The following STK38L variants were observed in gnomAD, a reference collection of about 807,000 sequenced individuals.
STK38L encodes serine/threonine-protein kinase 38-like.
STK38L carries 28 observed loss-of-function variants against 59.7 expected under a neutral mutation model. The ratio of observed to expected loss-of-function variants is 0.47; its 90% CI spans 0.35 to 0.64. The LOEUF is 0.64. Among genes scored for constraint, STK38L ranks in the 30% least tolerant of loss-of-function variants. The probability of loss-of-function intolerance (pLI) is 0.01; values close to 1 mark genes in which losing one functional copy is unlikely to be tolerated. For missense variants in STK38L, 314 were observed against 555.8 expected (o/e 0.56, Z 4.37); for synonymous variants, 162 against 176.8 (o/e 0.92, Z 0.66).
At chr12:27,272,271 C>T (rs903472281) in intron 1 of STK38L, among the ~76,000 whole-genome samples, 2 of 152,118 alleles carry the variant, frequency 1.3e-5, no homozygotes, top group Non-Finnish European at 2.9e-5. Flanking sequence ...TTATCCATTC[C>T]GTTTTGAGTA....
chr12:27,271,993 C>T (rs1943434289), intron 1 of STK38L, among the ~76,000 whole-genome samples: 1 of 152,202 alleles, frequency 6.6e-6, no homozygotes, highest in Non-Finnish European at 1.5e-5. Flanking sequence ...AGCCACCGTA[C>T]TCATTAGCTT....
At chr12:27,285,983 G>A (rs761199823) in intron 1 of STK38L, among the ~76,000 whole-genome samples, 18 of 152,132 alleles carry the variant, frequency 1.2e-4, no homozygotes, top group Non-Finnish European at 1.3e-4. Flanking sequence ...TTGAGCCCTC[G>A]TAAATATGCC....
intron 9 of STK38L, among the ~76,000 whole-genome samples, chr12:27,316,023 C>G (rs1944577287): frequency 6.6e-6 from 1 of 152,120 alleles, no homozygotes; most frequent in Non-Finnish European, 1.5e-5. Context: ...TTTCTCATTT[C>G]TTATAAAATG....
intron 1 of STK38L, among the ~76,000 whole-genome samples, chr12:27,274,197 A>G (rs1309940890): frequency 3.3e-5 from 5 of 149,284 alleles, no homozygotes; most frequent in African/African-American, 9.9e-5. Flanking sequence ...AGAGCGCGCC[A>G]CTGCACTCCA....
chr12:27,315,915 A>C (rs2136650552), intron 9 of STK38L, among the ~76,000 whole-genome samples: 1 of 152,298 alleles, frequency 6.6e-6, no homozygotes, highest in Middle Eastern at 3.4e-3. Context: ...TAACTGAGCA[A>C]ATAGAAGAAT....
At chr12:27,259,737 T>C (rs1483538842) in intron 1 of STK38L, among the ~76,000 whole-genome samples, 1 of 152,236 alleles carries the variant, frequency 6.6e-6, no homozygotes, top group Non-Finnish European at 1.5e-5. Flanking sequence ...AAACTTTCTC[T>C]TCCAGACATA....
rs77507471 is a variant in STK38L at position 27,273,470 on chromosome 12, G to C, written c.-11-24240G>C. On this transcript the variant is annotated intron_variant, in intron 1 of 13. Coordinates refer to ENST00000389032, the MANE Select transcript of STK38L (RefSeq NM_015000.4). ...CCATTTTTTCTGTTGCAAAATGGCA[G>C]TAACATTATTTACCACTCGTTAGGG... Among the ~76,000 whole-genome samples, 199 of 152,094 alleles carry C rather than the reference G, an allele frequency of 1.3e-3. 5 individuals are homozygous for C. In the East Asian group the frequency reaches 0.03, roughly 23 times the overall value.
rs1395070977 is a variant in STK38L, at chr12:27,318,622, CTATT to C, written c.1079+606_1079+609del. 5.9e-5 allele frequency among the ~76,000 whole-genome samples: 9 copies of C among 152,208 alleles called. No homozygotes were observed. The South Asian group carries it at 6.2e-4, about 11-fold the overall frequency. ...GGTATTTAATAGTGAAAATTGAAAA[CTATT>C]TAAATGTTCAACAGTAGTGGACTGG... On this transcript the variant is annotated intron_variant, in intron 11 of 13. Transcript: ENST00000389032.
intron 5 of STK38L, 24 bp downstream of exon 5, chr12:27,309,221 A>C: frequency 1.3e-6 from 2 of 1,541,162 alleles, no homozygotes; most frequent in Admixed American, 3.7e-5. Context: ...AACACATGTA[A>C]TATAAAGGAG....
At chr12:27,252,146 ATTT>A (rs1038108311) in intron 1 of STK38L, among the ~76,000 whole-genome samples, 17 of 151,994 alleles carry the variant, frequency 1.1e-4, no homozygotes, top group African/African-American at 3.4e-4. Flanking sequence ...CACCTGGCTA[ATTT>A]TTTGTATTTT....
At chr12:27,273,418 A>G (rs1943465828) in intron 1 of STK38L, among the ~76,000 whole-genome samples, 1 of 152,000 alleles carries the variant, frequency 6.6e-6, no homozygotes, top group South Asian at 2.1e-4. Context: ...TGGTTTTATA[A>G]CATTTATAAC....
chr12:27,276,199 A>G (rs1039274612), intron 1 of STK38L, among the ~76,000 whole-genome samples: 3 of 152,258 alleles, frequency 2.0e-5, no homozygotes, highest in Admixed American at 6.5e-5. Flanking sequence ...ACCATGACCA[A>G]TCTTGATTCA....
chr12:27,276,743 T>G (rs1418526468), intron 1 of STK38L, among the ~76,000 whole-genome samples: 2 of 152,252 alleles, frequency 1.3e-5, no homozygotes, highest in African/African-American at 4.8e-5. Flanking sequence ...AAGTTTATAT[T>G]ATGAATTATT....
Position 27,322,059 on chromosome 12 carries a change from T to C in STK38L, c.1176-84T>C, listed in dbSNP as rs536648036. The C allele has an allele frequency of 1.3e-5, 16 of 1,234,444 alleles. No homozygotes were observed. The East Asian group carries it at 3.0e-4, about 23-fold the overall frequency. 76.5% of individuals were successfully genotyped at this position (1,234,444 alleles called of 1,614,324 possible). ...GGATTTTCTAGTATCTGTAGAATAG[T>C]ATGCAGAATTTACAAGTAGAATTAT... On this transcript the variant is annotated intron_variant, in intron 12 of 13. Coordinates refer to ENST00000389032, the MANE Select transcript of STK38L (RefSeq NM_015000.4).
chr12:27,259,272 C>T (rs924643970), intron 1 of STK38L, among the ~76,000 whole-genome samples: 1 of 152,160 alleles, frequency 6.6e-6, no homozygotes, highest in Non-Finnish European at 1.5e-5. Context: ...TGTCTCCTGT[C>T]TTAACCTCTT....
At chr12:27,302,011 C>G in intron 2 of STK38L, 126 bp from the exon 3 acceptor site, 1 of 678,456 alleles carries the variant, frequency 1.5e-6, no homozygotes, top group Non-Finnish European at 2.2e-6. Flanking sequence ...GTTGATCCAA[C>G]TTGAAAGTTT....
At chr12:27,300,303 A>G (rs1319400510) in intron 2 of STK38L, among the ~76,000 whole-genome samples, 1 of 152,236 alleles carries the variant, frequency 6.6e-6, no homozygotes, top group Non-Finnish European at 1.5e-5. Flanking sequence ...GCAAAGCATA[A>G]GAGCATTTTA....
At chr12:27,321,650 T>A (rs1398517116) in intron 12 of STK38L, among the ~76,000 whole-genome samples, 2 of 152,134 alleles carry the variant, frequency 1.3e-5, no homozygotes, top group South Asian at 4.1e-4. Flanking sequence ...GGTACAGAGA[T>A]ATAAAAATGG....
intron 12 of STK38L, 28 bp downstream of exon 12, chr12:27,319,451 G>T: frequency 6.5e-7 from 1 of 1,546,756 alleles, no homozygotes; most frequent in Non-Finnish European, 8.8e-7. Flanking sequence ...GAATGGGAAA[G>T]GTCTGAGTAA....
Sources: gnomAD v4.1 joint callset for allele counts (sites outside exome capture counted in the v4.1 genomes callset) on GRCh38, gnomAD v4.1.1 for gene constraint, MANE v1.5 for transcripts, NCBI Gene and HGNC (gene_info 2026-07-23, HGNC 2026-07-21) for gene names.